The following OLFM2 variants were observed in gnomAD, a reference collection of about 807,000 sequenced individuals.
OLFM2 encodes noelin-2.
Under a neutral mutation model 43.9 loss-of-function variants are expected in OLFM2, and 20 were observed. The ratio of observed to expected loss-of-function variants is 0.46; its 90% CI spans 0.32 to 0.66. The LOEUF is 0.66. Among genes scored for constraint, OLFM2 ranks in the 30% least tolerant of loss-of-function variants. The probability of loss-of-function intolerance (pLI) is 0.04; values close to 1 mark genes in which losing one functional copy is unlikely to be tolerated. For synonymous variants in OLFM2, 268 were observed against 278.6 expected, an observed-to-expected ratio of 0.96 and a Z score of 0.38; for missense variants, 416 against 643.6, an observed-to-expected ratio of 0.65 and a Z score of 3.83.
intron 1 of OLFM2, among the ~76,000 whole-genome samples, chr19:9,887,098 G>A (rs774450223): frequency 1.3e-4 from 20 of 152,194 alleles, no homozygotes; most frequent in Non-Finnish European, 2.2e-4. Flanking sequence ...CGCAGCAGGT[G>A]TTCAATAAAC....
At chr19:9,913,689 C>T in intron 1 of OLFM2, 1 of 1,084,722 alleles carries the variant, frequency 9.2e-7, no homozygotes, top group South Asian at 3.3e-5. Flanking sequence ...GGCGCTCGGT[C>T]CCTCGACACC....
rs527388243 is a variant in OLFM2, at chr19:9,935,737, T to G, written c.63+567A>C. On this transcript the variant is annotated intron_variant, in intron 1 of 5. Coordinates refer to ENST00000264833, the MANE Select transcript of OLFM2 (RefSeq NM_058164.4). ...GATCACACCCCAACTCGGGCACTAG[T>G]TGGACAAGCCCCCCAACCGCCACAC... Among the ~76,000 whole-genome samples the G allele has an allele frequency of 3.3e-5, 5 of 152,020 alleles. No individual in the cohort carries two copies. The South Asian group carries it at 1.0e-3, about 32-fold the overall frequency.
rs571997501 is a variant in OLFM2 at position 9,856,345 on chromosome 19, A to G, written c.687+462T>C. ...ACTCCCGACCTCAGGTGATCCGCCCACCTCAGCCTCCCAAAGTGCTGGGAT... is the reference window on the plus strand; with the variant it reads ...ACTCCCGACCTCAGGTGATCCGCCCGCCTCAGCCTCCCAAAGTGCTGGGAT... On this transcript the variant is annotated intron_variant, in intron 5 of 5. Coordinates refer to ENST00000264833, the MANE Select transcript of OLFM2 (RefSeq NM_058164.4). The surrounding 1 kb of genome is among the most constrained non-coding windows in gnomAD (Gnocchi z 4.0). Among the ~76,000 whole-genome samples the G allele has an allele frequency of 1.5e-4, 23 of 151,742 alleles. No homozygotes were observed. The East Asian group carries it at 2.7e-3, about 18-fold the overall frequency.
chr19:9,930,741 C>A (rs1160178847), intron 1 of OLFM2, among the ~76,000 whole-genome samples: 6 of 151,582 alleles, frequency 4.0e-5, no homozygotes, highest in Admixed American at 2.0e-4. Flanking sequence ...ATAATCCCAG[C>A]TACTCGAGAG....
At chr19:9,861,999 G>A (rs1398332729) in intron 1 of OLFM2, among the ~76,000 whole-genome samples, 4 of 146,086 alleles carry the variant, frequency 2.7e-5, no homozygotes, top group Admixed American at 1.4e-4. Flanking sequence ...CAGCCTGGGC[G>A]ACAGAGCAAG....
chr19:9,899,277 A>T (rs929521935), intron 1 of OLFM2, among the ~76,000 whole-genome samples: 2 of 151,994 alleles, frequency 1.3e-5, no homozygotes, highest in Admixed American at 1.3e-4. Context: ...TTAAAAAAAA[A>T]AAAAGAATAA....
chr19:9,882,239 C>CAAA (rs1568374523), intron 1 of OLFM2, among the ~76,000 whole-genome samples: 1 of 139,014 alleles, frequency 7.2e-6, no homozygotes, highest in African/African-American at 2.7e-5. Context: ...GACCCTGTCT[C>CAAA]AAAAAAGAAA....
chr19:9,860,509 G>C, intron 2 of OLFM2, 136 bp downstream of exon 2: 1 of 893,308 alleles, frequency 1.1e-6, no homozygotes, highest in Non-Finnish European at 1.7e-6. Context: ...GCCTGGAGAG[G>C]AGCTGGATTA....
rs749684075 is a variant in OLFM2 at position 9,854,725 on chromosome 19, C to T, written c.826G>A (p.Gly276Ser). Residue 276 changes from glycine to serine, a missense_variant, in exon 6 of 6, where the codon GGC becomes AGC. By Grantham distance (56) the Gly-to-Ser change is moderately conservative (BLOSUM62 0). Transcript: ENST00000264833. This position sits in a 1 kb window ranked among gnomAD's most constrained non-coding sequence, Gnocchi z 9.5. ...TGGTACTTGTTATAGAACAGGGAGC[C>T]GTTGTACACCACGTGGCCCGTGCCC... ...WAGTGHVVYN[G>S]SLFYNKYQSN... is the part of the protein sequence containing the mutation. 2.3e-5 allele frequency: 37 copies of T among 1,614,120 alleles called. No homozygotes were observed. Among genetic ancestry groups the T allele is most frequent in the Middle Eastern group, 1.6e-4 (1 of 6,062 alleles).
At chr19:9,885,724 G>A (rs1016882877) in intron 1 of OLFM2, among the ~76,000 whole-genome samples, 2 of 152,130 alleles carry the variant, frequency 1.3e-5, no homozygotes, top group African/African-American at 4.8e-5. Context: ...GCCAAACCGG[G>A]ACTTTACCTA....
intron 1 of OLFM2, among the ~76,000 whole-genome samples, chr19:9,936,043 G>A (rs1342405042): frequency 1.3e-5 from 2 of 151,616 alleles, no homozygotes; most frequent in African/African-American, 4.9e-5. Context: ...GTGGGGGCTC[G>A]GGGCCATGGA....
chr19:9,869,410 C>G (rs1168739713), intron 1 of OLFM2, among the ~76,000 whole-genome samples: 1 of 152,136 alleles, frequency 6.6e-6, no homozygotes, highest in Non-Finnish European at 1.5e-5. Flanking sequence ...GGTTTAAGTT[C>G]TGGCTTCACC....
At chr19:9,859,379 C>A (rs1228552085) in intron 2 of OLFM2, among the ~76,000 whole-genome samples, 1 of 152,026 alleles carries the variant, frequency 6.6e-6, no homozygotes, top group Non-Finnish European at 1.5e-5. Context: ...TGCAGTGGTG[C>A]CATCTCAGCT....
At chr19:9,896,231 G>A (rs1355300523) in intron 1 of OLFM2, among the ~76,000 whole-genome samples, 2 of 150,806 alleles carry the variant, frequency 1.3e-5, no homozygotes, top group East Asian at 2.0e-4. Flanking sequence ...CTCCCGAGTA[G>A]CTGGGACTAC....
At chr19:9,936,121 C>G (rs1014554545) in intron 1 of OLFM2, among the ~76,000 whole-genome samples, 183 bp downstream of exon 1, 29 of 151,916 alleles carry the variant, frequency 1.9e-4, no homozygotes, top group Non-Finnish European at 3.5e-4. Context: ...TGAAGCCCCC[C>G]TCGTCCTCTC....
chr19:9,858,034 A>G, intron 2 of OLFM2, 173 bp from the exon 3 acceptor site: 1 of 757,624 alleles, frequency 1.3e-6, no homozygotes, highest in Non-Finnish European at 2.3e-6. Context: ...CAATCCATCC[A>G]TCCATCGCTC....
chr19:9,860,224 T>G (rs2046356609), intron 2 of OLFM2, among the ~76,000 whole-genome samples: 1 of 151,808 alleles, frequency 6.6e-6, no homozygotes, highest in African/African-American at 2.4e-5. Context: ...ACACCTGTAA[T>G]CCCAACACTT....
intron 1 of OLFM2, among the ~76,000 whole-genome samples, chr19:9,879,997 G>A (rs534549097): frequency 2.6e-5 from 4 of 152,006 alleles, no homozygotes; most frequent in African/African-American, 4.8e-5. Context: ...GGCTGGTCTC[G>A]AACTCCTGAC....
chr19:9,873,934 G>A (rs978044290), intron 1 of OLFM2, among the ~76,000 whole-genome samples: 5 of 147,620 alleles, frequency 3.4e-5, no homozygotes, highest in African/African-American at 1.3e-4. Context: ...TACAGGTGTG[G>A]GCCACCATGC....
Sources: gnomAD v4.1 joint callset for allele counts (sites outside exome capture counted in the v4.1 genomes callset) on GRCh38, gnomAD v4.1.1 for gene constraint, Gnocchi (gnomAD v3.1) non-coding constraint, MANE v1.5 for transcripts, NCBI Gene and HGNC (gene_info 2026-07-23, HGNC 2026-07-21) for gene names.